Variants in VDAC1 observed in about 807,000 individuals in gnomAD.
VDAC1 encodes non-selective voltage-gated ion channel VDAC1.
In VDAC1, 10 loss-of-function variants were observed where a neutral mutation model predicts 34.7. The observed-to-expected ratio is 0.29, with a 90% CI of 0.18 to 0.49. VDAC1 has a LOEUF of 0.49. Ranked by LOEUF, VDAC1 falls within the 20% of genes least tolerant of loss-of-function variation. The probability of loss-of-function intolerance (pLI) is 0.99; values close to 1 mark genes in which losing one functional copy is unlikely to be tolerated. For missense variants in VDAC1, 230 were observed against 347.9 expected (o/e 0.66, Z 2.69); for synonymous variants, 130 against 136.0 (o/e 0.96, Z 0.30).
chr5:134,107,188 T>C, the VDAC1 span, among the ~76,000 whole-genome samples: 140,307 of 152,304 alleles, frequency 0.92, 64,746 homozygotes, highest in African/African-American at 0.98. Flanking sequence ...CCGGGCCAAG[T>C]GATGGGCAAA....
intron 1 of VDAC1, 56 bp from the exon 2 acceptor site, chr5:133,993,074 C>T: frequency 2.0e-6 from 3 of 1,513,110 alleles, no homozygotes; most frequent in Non-Finnish European, 2.7e-6. Context: ...AATTAGCTTT[C>T]CATCAATAAC....
chr5:133,980,208 G>T (rs1752638329), intron 6 of VDAC1, among the ~76,000 whole-genome samples: 1 of 152,072 alleles, frequency 6.6e-6, no homozygotes. Flanking sequence ...AATTCTCAAG[G>T]GGCTCTCTCC....
the VDAC1 span, among the ~76,000 whole-genome samples, chr5:134,038,595 A>G: frequency 1.3e-5 from 2 of 152,298 alleles, no homozygotes; most frequent in East Asian, 3.9e-4. Context: ...GTGAGTTCAA[A>G]ACAGCTACAG....
chr5:133,979,424 CTTT>C lies in VDAC1; in HGVS notation c.551+1302_551+1304del, dbSNP rs71581380. Among the ~76,000 whole-genome samples the C allele has an allele frequency of 2.7e-3, 217 of 80,984 alleles. 1 individual carries two copies. The highest frequency in any genetic ancestry group is 0.01 in the African/African-American group (200 of 19,544). 53.1% of individuals were successfully genotyped at this position (80,984 alleles called of 152,430 possible). A position where few individuals can be genotyped will look rare whatever the true frequency, so the allele number is the denominator to read the frequency against. ...TATAATAAAATTGATATTTTCTTTG[CTTT>C]TTTTTTTTTTTTTTTTTTTTGAGAC... is the stretch of plus-strand genomic sequence containing the variant. On this transcript the variant is annotated intron_variant, in intron 6 of 8. Coordinates refer to ENST00000265333, the MANE Select transcript of VDAC1 (RefSeq NM_003374.3).
At chr5:134,025,375 G>C in the VDAC1 span, among the ~76,000 whole-genome samples, 74 of 152,262 alleles carry the variant, frequency 4.9e-4, no homozygotes, top group African/African-American at 1.7e-3. Flanking sequence ...TCACCCCCAT[G>C]AGTCAAACAC....
the VDAC1 span, among the ~76,000 whole-genome samples, chr5:134,033,154 ATTTTTT>A: frequency 2.4e-5 from 3 of 125,422 alleles, no homozygotes; most frequent in African/African-American, 6.3e-5. Flanking sequence ...GTAGAAACTA[ATTTTTT>A]TTTTTTTTTT....
intron 1 of VDAC1, among the ~76,000 whole-genome samples, chr5:133,996,089 T>C (rs1488173530): frequency 6.6e-6 from 1 of 152,230 alleles, no homozygotes; most frequent in African/African-American, 2.4e-5. Flanking sequence ...GCAAAGCAGC[T>C]AGCCCTGGAC....
chr5:134,005,594 CGAG>C (rs1580738083), upstream of VDAC1: 1 of 152,220 alleles, frequency 6.6e-6, no homozygotes. Flanking sequence ...TCTCTCGGCG[CGAG>C]GAGATCACGC....
chr5:134,062,806 T>C, the VDAC1 span, among the ~76,000 whole-genome samples: 2 of 151,574 alleles, frequency 1.3e-5, no homozygotes, highest in Non-Finnish European at 3.0e-5. Context: ...TTTGTTTTTT[T>C]AGTAGAAATG....
Position 133,983,837 on chromosome 5 carries a change from T to A in VDAC1, c.324-2881A>T, listed in dbSNP as rs141704025. ...GTGCTGTCCTCCCAATAATGAGTTA[T>A]GAGATCTGGTTGTTTGCGTGTGGCA... On this transcript the variant is annotated intron_variant, in intron 5 of 8. Transcript: ENST00000265333. Among the ~76,000 whole-genome samples, 306 of 152,038 alleles carry A rather than the reference T, an allele frequency of 2.0e-3. 3 individuals are homozygous for A. Among genetic ancestry groups the A allele is most frequent in the African/African-American group, 7.1e-3 (294 of 41,474 alleles).
chr5:133,988,479 G>A (rs1054139187), intron 5 of VDAC1, among the ~76,000 whole-genome samples: 2 of 151,876 alleles, frequency 1.3e-5, no homozygotes, highest in African/African-American at 4.8e-5. Context: ...CCGGCTACTC[G>A]GGAGGCTGAG....
chr5:134,114,265 AGC>A, the VDAC1 span, among the ~76,000 whole-genome samples: 1 of 152,074 alleles, frequency 6.6e-6, no homozygotes, highest in Non-Finnish European at 1.5e-5. Flanking sequence ...CACAGCCTCA[AGC>A]AGCCTCAAGC....
At chr5:134,092,426 G>T in the VDAC1 span, among the ~76,000 whole-genome samples, 3 of 152,142 alleles carry the variant, frequency 2.0e-5, no homozygotes, top group African/African-American at 7.2e-5. Flanking sequence ...GAGCTCCGGG[G>T]CACAGGCCAG....
the VDAC1 span, among the ~76,000 whole-genome samples, chr5:134,085,226 G>T: frequency 6.6e-6 from 1 of 151,876 alleles, no homozygotes; most frequent in Non-Finnish European, 1.5e-5. Context: ...CCACCACCAC[G>T]CCCGGCTAGC....
At chr5:134,008,548 G>C (rs1403945523), upstream of VDAC1, among the ~76,000 whole-genome samples, 2 of 152,154 alleles carry the variant, frequency 1.3e-5, no homozygotes, top group South Asian at 2.1e-4. Context: ...GGCTTCTACT[G>C]TAGATATTTA....
chr5:134,066,861 A>G, the VDAC1 span, among the ~76,000 whole-genome samples: 2 of 152,228 alleles, frequency 1.3e-5, no homozygotes, highest in African/African-American at 4.8e-5. Context: ...ACCACTGGCC[A>G]AATCTATCTG....
intron 5 of VDAC1, 41 bp downstream of exon 5, chr5:133,990,814 T>C (rs1214782694): frequency 6.6e-7 from 1 of 1,515,094 alleles, no homozygotes; most frequent in African/African-American, 1.4e-5. Flanking sequence ...ACCTGCAACA[T>C]CAGAGAACAT....
the VDAC1 span, among the ~76,000 whole-genome samples, chr5:134,048,519 C>T: frequency 4.8e-5 from 7 of 144,340 alleles, no homozygotes; most frequent in African/African-American, 1.0e-4. Context: ...GTAATCCACC[C>T]GCCTCAGCCT....
At chr5:134,049,386 G>A in the VDAC1 span, among the ~76,000 whole-genome samples, 1 of 152,130 alleles carries the variant, frequency 6.6e-6, no homozygotes, top group Non-Finnish European at 1.5e-5. Context: ...GAGCCACCAT[G>A]CCCACCCCTT....
Sources: allele counts gnomAD v4.1 joint callset (sites outside exome capture counted in the v4.1 genomes callset), GRCh38; gene constraint gnomAD v4.1.1; transcripts MANE v1.5; gene names NCBI Gene and HGNC (gene_info 2026-07-23, HGNC 2026-07-21).